Variants in ROS1 observed in about 807,000 individuals in gnomAD.
ROS1 encodes the protein ROS proto-oncogene 1, receptor tyrosine kinase.
Under a neutral mutation model 273.5 loss-of-function variants are expected in ROS1, and 263 were observed. The observed-to-expected ratio is 0.96, with a 90% CI of 0.87 to 1.06. ROS1 has a LOEUF of 1.06. Ranked by LOEUF, ROS1 falls within the 50% of genes least tolerant of loss-of-function variation. The probability of loss-of-function intolerance (pLI) is 0.00; values close to 1 mark genes in which losing one functional copy is unlikely to be tolerated. For synonymous variants in ROS1, 1,008 were observed against 954.1 expected (o/e 1.06, Z -1.04); for missense variants, 2,833 against 2,751.1 (o/e 1.03, Z -0.67).
At chr6:117,341,685 G>A (rs1169150249) in intron 29 of ROS1, 53 bp from the exon 30 acceptor site, 1 of 1,361,038 alleles carries the variant, frequency 7.3e-7, no homozygotes, top group East Asian at 2.3e-5. Context: ...ACTGAAAGAT[G>A]GAAAGAAGTA....
intron 5 of ROS1, among the ~76,000 whole-genome samples, chr6:117,407,061 G>A (rs984992862): frequency 3.5e-5 from 4 of 113,258 alleles, no homozygotes; most frequent in Non-Finnish European, 7.1e-5. Flanking sequence ...GCTAATTCCC[G>A]TGACACAGAA....
At chr6:117,292,487 C>T (rs899060484) in intron 43 of ROS1, among the ~76,000 whole-genome samples, 12 of 152,172 alleles carry the variant, frequency 7.9e-5, no homozygotes, top group African/African-American at 2.4e-4. Flanking sequence ...TTTCTGGCTG[C>T]TCCTCCCCAT....
chr6:117,409,613 G>A lies in ROS1; in HGVS notation c.285C>T (p.Ser95=), dbSNP rs545356487. The A allele has an allele frequency of 1.3e-5, 21 of 1,613,854 alleles. No individual in the cohort carries two copies. In the African/African-American group the frequency reaches 1.6e-4, roughly 12 times the overall value. The change falls in exon 5 of 44, where the codon AGC becomes AGT. Residue 95 remains serine (S), a synonymous_variant. Transcript: ENST00000368507. ...CTTCCTCTTCATATGCACCTTCCGC[G>A]CTGCTACAGCCAACCTCACACGACT... The part of the protein sequence containing the change: ...ERESCEVGCS[S]AEGAYEEEVL...
At chr6:117,410,501 A>G (rs3798392) in intron 4 of ROS1, among the ~76,000 whole-genome samples, 9,006 of 152,232 alleles carry the variant, frequency 0.059, 318 homozygotes, top group Middle Eastern at 0.086. Flanking sequence ...CTCATTAATG[A>G]AAAACACAGT....
At position 117,310,216 on chromosome 6, in the gene ROS1, A is replaced by T. The variant is rs1775432981; in HGVS notation, c.6281T>A (p.Ile2094Asn). The T allele has an allele frequency of 1.2e-6, 2 of 1,613,340 alleles. No individual in the cohort carries two copies. Among genetic ancestry groups the T allele is most frequent in the South Asian group, 1.1e-5 (1 of 91,072 alleles). Residue 2094 changes from isoleucine to asparagine, a missense_variant, in exon 41 of 44, where the codon ATT (isoleucine) becomes AAT (asparagine). Coordinates refer to ENST00000368507, the MANE Select transcript of ROS1 (RefSeq NM_001378902.1). ...KDYTSPRIVK[I>N]GDFGLARDIY... ...GTCTCTGGCGAGTCCAAAGTCTCCA[A>T]TCTTCACTATCCGTGGACTGGTATA...
chr6:117,365,406 C>T (rs970878244), intron 20 of ROS1, among the ~76,000 whole-genome samples, 175 bp downstream of exon 20: 1 of 152,160 alleles, frequency 6.6e-6, no homozygotes, highest in Admixed American at 6.5e-5. Flanking sequence ...ACCAAGCAGT[C>T]AGAGACTGGC....
chr6:117,352,945 C>T (rs200415492), intron 27 of ROS1, 45 bp downstream of exon 27: 670 of 1,569,646 alleles, frequency 4.3e-4, no homozygotes, highest in Non-Finnish European at 5.3e-4. Flanking sequence ...ATTTTTCTGA[C>T]CCTAAATTGG....
chr6:117,341,568 C>G lies in ROS1; in HGVS notation c.4716G>C (p.Trp1572Cys), dbSNP rs770865174. The stretch of plus-strand genomic sequence containing the variant: ...GTCCATTTGGCTTGTGAGATTCTCT[C>G]CAAGATATAATGAGGCTGGTGTCTG... ...VRSDTSLIIS[W>C]RESHKPNGPK... The change falls in exon 30 of 44, where the codon TGG becomes TGC. Residue 1572 changes from tryptophan to cysteine, a missense_variant. Trp to Cys is a radical substitution (Grantham distance 215, BLOSUM62 -2). Coordinates refer to ENST00000368507, the MANE Select transcript of ROS1 (RefSeq NM_001378902.1). The G allele has an allele frequency of 6.2e-7, 1 of 1,613,666 alleles. No individual in the cohort carries two copies.
rs2128655040 is a variant in ROS1 at position 117,362,709 on chromosome 6, C to T, written c.3260G>A (p.Ser1087Asn). 6.2e-7 allele frequency: 1 copy of T among 1,613,576 alleles called. No homozygotes were observed. The highest frequency in any genetic ancestry group is 2.2e-5 in the East Asian group (1 of 44,854). Residue 1087 changes from serine to asparagine, a missense_variant, in exon 22 of 44, where the codon AGT becomes AAT. Ser to Asn is a conservative substitution (Grantham distance 46). Coordinates refer to ENST00000368507, the MANE Select transcript of ROS1 (RefSeq NM_001378902.1). ...FEIFYNISNQ[S>N]ITNKTCEDWI... is the part of the protein sequence containing the mutation. ...GTCTTCACATGTTTTGTTTGTAATA[C>T]TTTGATTGGATATATTGTAGAAAAT...
intron 5 of ROS1, among the ~76,000 whole-genome samples, chr6:117,409,249 A>AC (rs554661476): frequency 2.9e-5 from 1 of 34,292 alleles, no homozygotes; most frequent in African/African-American, 2.1e-4. Flanking sequence ...AGAGAAAAAA[A>AC]ACTGGCATTC....
At chr6:117,422,266 C>T (rs771152108) in intron 1 of ROS1, among the ~76,000 whole-genome samples, 2 of 152,180 alleles carry the variant, frequency 1.3e-5, no homozygotes, top group African/African-American at 4.8e-5. Flanking sequence ...CCGCCTCAGC[C>T]TCCCATAGTG....
intron 33 of ROS1, among the ~76,000 whole-genome samples, chr6:117,326,638 T>G (rs1237072709): frequency 6.6e-6 from 1 of 151,604 alleles, no homozygotes; most frequent in Non-Finnish European, 1.5e-5. Flanking sequence ...CCAAGAAAAC[T>G]GTGAGTAATC....
rs1247100978 is a variant in ROS1 at position 117,416,328 on chromosome 6, CAAT to C, written c.169-14_169-12del. The C allele has an allele frequency of 3.9e-6, 6 of 1,558,102 alleles. No homozygotes were observed. Among genetic ancestry groups the C allele is most frequent in the Non-Finnish European group, 5.3e-6 (6 of 1,129,336 alleles). The stretch of plus-strand genomic sequence containing the variant: ...ACATCCTTGGATACACTGCAAGAGA[CAAT>C]AACAGACAATGGTGAGTGATTGAAG... On this transcript the variant is annotated splice_polypyrimidine_tract_variant and intron_variant, in intron 2 of 43. Transcript: ENST00000368507.
chr6:117,366,983 A>G (rs1374111484), intron 18 of ROS1, among the ~76,000 whole-genome samples: 2 of 152,202 alleles, frequency 1.3e-5, no homozygotes, highest in African/African-American at 4.8e-5. Flanking sequence ...ATGTGCTCCT[A>G]CAACTCTTGC....
intron 35 of ROS1, among the ~76,000 whole-genome samples, chr6:117,322,254 C>G (rs1004415588): frequency 1.3e-5 from 2 of 152,048 alleles, no homozygotes; most frequent in African/African-American, 4.8e-5. Flanking sequence ...ATTAATTTTT[C>G]CAACTTGAAA....
chr6:117,363,355 A>G (rs1172043694), intron 21 of ROS1, among the ~76,000 whole-genome samples: 2 of 152,192 alleles, frequency 1.3e-5, no homozygotes, highest in African/African-American at 4.8e-5. Flanking sequence ...TAGAAAGCAG[A>G]AAGTTTAGGG....
At chr6:117,359,744 A>G (rs1779625686) in intron 24 of ROS1, 65 bp downstream of exon 24, 3 of 1,308,292 alleles carry the variant, frequency 2.3e-6, no homozygotes, top group Non-Finnish European at 3.3e-6. Flanking sequence ...CATTTTAACT[A>G]CAAAGTAGTG....
chr6:117,397,026 C>T lies in ROS1; in HGVS notation c.695G>A (p.Gly232Glu), dbSNP rs1240410063. 2 of 1,613,482 alleles carry T rather than the reference C, an allele frequency of 1.2e-6. No homozygotes were observed. Among genetic ancestry groups the T allele is most frequent in the African/African-American group, 1.3e-5 (1 of 74,870 alleles). The change falls in exon 8 of 44, where the codon GGA becomes GAA. Residue 232 changes from glycine to glutamate, a missense_variant. Physicochemically the swap from Gly to Glu is moderately conservative, Grantham distance 98. Coordinates refer to ENST00000368507, the MANE Select transcript of ROS1 (RefSeq NM_001378902.1). ...VSWDPPQFPG[G>E]PILGYNLRLI... Reference sequence around the variant, plus strand: ...CCTTAAGTTATAACCCAAAATAGGTCCACCTGGGAATTGAGGTGGATCCCA... The same window carrying T: ...CCTTAAGTTATAACCCAAAATAGGTTCACCTGGGAATTGAGGTGGATCCCA...
intron 18 of ROS1, among the ~76,000 whole-genome samples, chr6:117,377,624 T>C (rs1003450231): frequency 3.3e-5 from 5 of 152,196 alleles, no homozygotes; most frequent in Admixed American, 6.5e-5. Context: ...AAATGGAGTA[T>C]AAAATCTTCA....
Sources: gnomAD v4.1 joint callset for allele counts (sites outside exome capture counted in the v4.1 genomes callset) on GRCh38, gnomAD v4.1.1 for gene constraint, MANE v1.5 for transcripts, NCBI Gene and HGNC (gene_info 2026-07-23, HGNC 2026-07-21) for gene names.